Variants in ARRB2 observed in about 807,000 individuals in gnomAD.
ARRB2 encodes beta-arrestin-2.
ARRB2 carries 21 observed loss-of-function variants against 53.4 expected under a neutral mutation model. That is an observed-to-expected ratio of 0.39 (90% CI 0.28 to 0.57). ARRB2 has a LOEUF of 0.57. Among genes scored for constraint, ARRB2 ranks in the 20% least tolerant of loss-of-function variants. ARRB2 has a pLI of 0.55. For synonymous variants in ARRB2, 180 were observed against 212.9 expected (o/e 0.85, Z 1.34); for missense variants, 369 against 527.5 (o/e 0.70, Z 2.94).
At position 4,717,893 on chromosome 17, in the gene ARRB2, C is replaced by T; in HGVS notation, c.491C>T (p.Ser164Phe). Residue 164 changes from serine to phenylalanine, a missense_variant, in exon 8 of 15, where the codon TCT (serine) becomes TTT (phenylalanine). Physicochemically the swap from Ser to Phe is radical, Grantham distance 155 (BLOSUM62 -2). Coordinates refer to ENST00000269260, the MANE Select transcript of ARRB2 (RefSeq NM_004313.4). This position sits in a 1 kb window ranked among gnomAD's most constrained non-coding sequence, Gnocchi z 6.0. ...SLEEKSHKRN[S>F]VRLVIRKVQF... ...TGCCCCTACTCTGATCCCAGGAACT[C>T]TGTGCGGCTGGTGATCCGAAAGGTG... 1 of 1,614,078 alleles carries T rather than the reference C, an allele frequency of 6.2e-7. No homozygotes were observed. The highest frequency in any genetic ancestry group is 8.5e-7 in the Non-Finnish European group (1 of 1,180,030).
rs373325288 is a variant in ARRB2 at position 4,720,588 on chromosome 17, G to A, written c.1084G>A (p.Ala362Thr). The change falls in exon 14 of 15, where the codon GCT becomes ACT. Residue 362 changes from alanine (A) to threonine (T), a missense_variant and splice_region_variant. Coordinates refer to ENST00000269260, the MANE Select transcript of ARRB2 (RefSeq NM_004313.4). ...HIPLPRPQSA[A>T]PETDVPVDTN... is the part of the protein sequence containing the mutation. ...ACCCCCTCTTCCCGTCCCCCCAGCC[G>A]CTCCGGAGACAGATGTCCCTGTGGA... The A allele has an allele frequency of 2.8e-5, 41 of 1,478,780 alleles. No homozygotes were observed. The highest frequency in any genetic ancestry group is 1.8e-4 in the Middle Eastern group (1 of 5,662). The allele number at this position is 1,478,780 out of a possible 1,614,324, so 91.6% of individuals were successfully genotyped here. A position where few individuals can be genotyped will look rare whatever the true frequency, so the allele number is the denominator to read the frequency against.
intron 13 of ARRB2, 21 bp from the exon 14 acceptor site, chr17:4,720,565 C>A: frequency 6.4e-7 from 1 of 1,569,588 alleles, no homozygotes; most frequent in African/African-American, 1.4e-5. Flanking sequence ...ACCCCCACAC[C>A]CCCTCTTCCC....
intron 1 of ARRB2, among the ~76,000 whole-genome samples, chr17:4,713,691 G>A (rs2150584316): frequency 6.6e-6 from 1 of 151,564 alleles, no homozygotes; most frequent in East Asian, 1.9e-4. Context: ...TCAGGAAGCT[G>A]AGGCATGAGA....
intron 1 of ARRB2, among the ~76,000 whole-genome samples, chr17:4,713,431 G>T (rs1379108717): frequency 6.6e-6 from 1 of 151,998 alleles, no homozygotes; most frequent in Admixed American, 6.6e-5. Context: ...GGGAGATTGA[G>T]ACCATCCTGA....
chr17:4,718,560 G>T (rs1915322784), intron 9 of ARRB2, 52 bp from the exon 10 acceptor site: 3 of 1,575,560 alleles, frequency 1.9e-6, no homozygotes, highest in Non-Finnish European at 2.6e-6. Flanking sequence ...GTTGTGGTGT[G>T]GTGGTGGCTT....
chr17:4,715,486 G>GACACACACAGAC (rs1394717948), intron 2 of ARRB2: 2 of 133,572 alleles, frequency 1.5e-5, no homozygotes, highest in Non-Finnish European at 3.0e-5. Flanking sequence ...CACACACACA[G>GACACACACAGAC]ACACACACAC....
Position 4,719,362 on chromosome 17 carries a change from G to A in ARRB2, c.859G>A (p.Gly287Ser). 1 of 1,614,112 alleles carries A rather than the reference G, an allele frequency of 6.2e-7. No homozygotes were observed. The highest frequency in any genetic ancestry group is 8.5e-7 in the Non-Finnish European group (1 of 1,180,026). The change falls in exon 11 of 15, where the codon GGT becomes AGT. Residue 287 changes from glycine to serine, a missense_variant. By Grantham distance (56) the Gly-to-Ser change is moderately conservative. Transcript: ENST00000269260. ...GCTCAGCGACAACCGGGAGAAGCGG[G>A]GTCTCGCCCTGGATGGGAAACTCAA... is the stretch of plus-strand genomic sequence containing the variant. ...PLLSDNREKRGLALDGKLKHE... is the reference protein window; with the variant it reads ...PLLSDNREKRSLALDGKLKHE...
At position 4,715,720 on chromosome 17, in the gene ARRB2, CACACAA is replaced by C. The variant is rs57392862; in HGVS notation, c.55-247_55-242del. ...ACACACACACACACACACACACACA[CACACAA>C]ACACACACACACCGGGCTGGTGGGC... On this transcript the variant is annotated intron_variant, in intron 2 of 14. Transcript: ENST00000269260. 630 of 397,236 alleles carry C rather than the reference CACACAA, an allele frequency of 1.6e-3. 1 individual carries two copies. Among genetic ancestry groups the C allele is most frequent in the African/African-American group, 0.013 (577 of 43,210 alleles). The allele number at this position is 397,236 out of a possible 1,614,324, so 24.6% of individuals were successfully genotyped here.
chr17:4,715,782 A>G, intron 2 of ARRB2, 191 bp from the exon 3 acceptor site: 1 of 630,266 alleles, frequency 1.6e-6, no homozygotes, highest in East Asian at 2.8e-5. Context: ...GAGCAGCTCA[A>G]AAGCCTAAAG....
At position 4,715,004 on chromosome 17, in the gene ARRB2, TTTTG is replaced by T. The variant is rs1914795455; in HGVS notation, c.24-6_24-3del. The T allele has an allele frequency of 2.5e-6, 4 of 1,598,946 alleles. No individual in the cohort carries two copies. The highest frequency in any genetic ancestry group is 3.4e-6 in the Non-Finnish European group (4 of 1,172,400). On this transcript the variant is annotated splice_polypyrimidine_tract_variant and splice_region_variant and intron_variant, in intron 1 of 14. Transcript: ENST00000269260. ...GGAGGCAGTGGGGTTTCCCTTTCTG[TTTTG>T]TTAGGGTCTTCAAGAAGTCGAGCCC...
At position 4,716,205 on chromosome 17, in the gene ARRB2, G is replaced by C. The variant is rs1915013172; in HGVS notation, c.160+14G>C. The C allele has an allele frequency of 6.2e-7, 1 of 1,613,818 alleles. No homozygotes were observed. The highest frequency in any genetic ancestry group is 8.5e-7 in the Non-Finnish European group (1 of 1,180,006). ...AGGACCGCAAAGGTACTGGCCCCAA[G>C]TCCAGGGGGCCCAGGGAAAGTGGGG... On this transcript the variant is annotated intron_variant, in intron 4 of 14. Transcript: ENST00000269260.
At chr17:4,712,651 A>G (rs1268432388) in intron 1 of ARRB2, among the ~76,000 whole-genome samples, 2 of 152,242 alleles carry the variant, frequency 1.3e-5, no homozygotes, top group East Asian at 1.9e-4. Context: ...GGTGCTTCAA[A>G]GAACAGGCCC....
Position 4,717,451 on chromosome 17 carries a change from G to A in ARRB2, c.417+175G>A. 1.1e-6 allele frequency: 1 copy of A among 899,440 alleles called. No individual in the cohort carries two copies. The highest frequency in any genetic ancestry group is 1.7e-6 in the Non-Finnish European group (1 of 572,768). The allele number at this position is 899,440 out of a possible 1,614,324, so 55.7% of individuals were successfully genotyped here. A position where few individuals can be genotyped will look rare whatever the true frequency, so the allele number is the denominator to read the frequency against. ...GTGGTCATTGTGCACGCATGACACT[G>A]CCTCCTGCTCTGTGGACCCGCATGG... On this transcript the variant is annotated intron_variant, in intron 6 of 14. Coordinates refer to ENST00000269260, the MANE Select transcript of ARRB2 (RefSeq NM_004313.4). The surrounding 1 kb of genome is among the most constrained non-coding windows in gnomAD (Gnocchi z 6.0).
chr17:4,720,686 C>T, intron 14 of ARRB2, 46 bp downstream of exon 14: 1 of 1,464,476 alleles, frequency 6.8e-7, no homozygotes. Flanking sequence ...ACAAAGATTC[C>T]TATAACATTC....
chr17:4,719,400 C>T lies in ARRB2; in HGVS notation c.897C>T (p.Thr299=), dbSNP rs145609305. Residue 299 remains threonine (T), a synonymous_variant, in exon 11 of 15, where the codon ACC becomes ACT. Transcript: ENST00000269260. ...ATGGGAAACTCAAGCACGAGGACACCAACCTGGCTTCCAGCACCATGTGAG... is the reference window on the plus strand; with the variant it reads ...ATGGGAAACTCAAGCACGAGGACACTAACCTGGCTTCCAGCACCATGTGAG... ...ALDGKLKHED[T]NLASSTIVKE... is the part of the protein sequence containing the mutation. The T allele has an allele frequency of 3.7e-6, 6 of 1,614,076 alleles. No individual in the cohort carries two copies. In the South Asian group the frequency reaches 6.6e-5, roughly 18 times the overall value.
chr17:4,720,804 G>C lies in ARRB2; in HGVS notation c.1137-142G>C, dbSNP rs1340372187. 1.5e-5 allele frequency: 16 copies of C among 1,057,250 alleles called. No homozygotes were observed. The East Asian group carries it at 3.8e-4, about 25-fold the overall frequency. 65.5% of individuals were successfully genotyped at this position (1,057,250 alleles called of 1,614,324 possible). On this transcript the variant is annotated intron_variant, in intron 14 of 14. Coordinates refer to ENST00000269260, the MANE Select transcript of ARRB2 (RefSeq NM_004313.4). ...GGCTGCCTCTTGCTGCCTTTTCTTT[G>C]TCCCTTCCTGTAAATACCTCTGGTC...
Position 4,716,434 on chromosome 17 carries a change from C to T in ARRB2, c.183C>T (p.Ala61=), listed in dbSNP as rs143644110. 7.8e-4 allele frequency: 1,267 copies of T among 1,614,088 alleles called. 1 individual carries two copies. Among genetic ancestry groups the T allele is most frequent in the Non-Finnish European group, 9.7e-4 (1,149 of 1,180,028 alleles). The change falls in exon 5 of 15, where the codon GCC becomes GCT. Residue 61 remains alanine, a synonymous_variant. Coordinates refer to ENST00000269260, the MANE Select transcript of ARRB2 (RefSeq NM_004313.4). ...CAGTGTTTGTGACCCTCACCTGCGCCTTCCGCTATGGCCGTGAAGACCTGG... is the reference window on the plus strand; with the variant it reads ...CAGTGTTTGTGACCCTCACCTGCGCTTTCCGCTATGGCCGTGAAGACCTGG... ...DRKVFVTLTC[A]FRYGREDLDV... is the part of the protein sequence containing the mutation.
At chr17:4,718,089 A>G in intron 8 of ARRB2, 66 bp downstream of exon 8, 3 of 1,601,134 alleles carry the variant, frequency 1.9e-6, no homozygotes, top group Non-Finnish European at 2.6e-6. Context: ...GGGCGAAGCC[A>G]CACATCAAGA....
At chr17:4,714,919 C>T in intron 1 of ARRB2, 94 bp from the exon 2 acceptor site, 1 of 1,337,736 alleles carries the variant, frequency 7.5e-7, no homozygotes, top group Non-Finnish European at 1.0e-6. Flanking sequence ...CCTGGGTGAG[C>T]ACTGCTTCTC....
Sources: gnomAD v4.1 joint callset for allele counts (sites outside exome capture counted in the v4.1 genomes callset) on GRCh38, gnomAD v4.1.1 for gene constraint, Gnocchi (gnomAD v3.1) non-coding constraint, MANE v1.5 for transcripts, NCBI Gene and HGNC (gene_info 2026-07-23, HGNC 2026-07-21) for gene names.